Variants in TMEFF2 observed in about 807,000 individuals in gnomAD.
TMEFF2 encodes transmembrane protein with EGF like and two follistatin like domains 2.
A neutral mutation model predicts 53.8 loss-of-function variants in TMEFF2; 28 were observed. The ratio of observed to expected loss-of-function variants is 0.52; its 90% confidence interval spans 0.39 to 0.71. The LOEUF (loss-of-function observed/expected upper bound fraction) is 0.71. TMEFF2 is among the 30% of genes least tolerant of loss of function. The pLI is 0.00. For synonymous variants in TMEFF2, 162 were observed against 166.3 expected (o/e 0.97, Z 0.20); for missense variants, 353 against 455.2 (o/e 0.78, Z 2.04).
intron 7 of TMEFF2, among the ~76,000 whole-genome samples, chr2:191,979,140 CAAATATG>C (rs1685799381): frequency 2.0e-5 from 3 of 152,238 alleles, no homozygotes; most frequent in Admixed American, 2.0e-4. Context: ...GGCAATGAAA[CAAATATG>C]AAATAGGAAA....
chr2:192,029,029 T>C (rs1236932955), intron 5 of TMEFF2: 1 of 152,180 alleles, frequency 6.6e-6, no homozygotes, highest in African/African-American at 2.4e-5. Context: ...TTCTTTTGCA[T>C]TGGGCCCCAC....
chr2:192,103,125 G>A (rs1175589205), intron 4 of TMEFF2, among the ~76,000 whole-genome samples: 1 of 152,104 alleles, frequency 6.6e-6, no homozygotes, highest in Non-Finnish European at 1.5e-5. Flanking sequence ...GATACTCACT[G>A]TCCTATAACT....
At chr2:192,019,433 AAAAAT>A (rs1686813397) in intron 5 of TMEFF2, among the ~76,000 whole-genome samples, 1 of 152,096 alleles carries the variant, frequency 6.6e-6, no homozygotes, top group Non-Finnish European at 1.5e-5. Flanking sequence ...AAATAACAAA[AAAAAT>A]AAAGCCACAT....
chr2:191,979,800 G>C (rs1299704515), intron 7 of TMEFF2, among the ~76,000 whole-genome samples: 1 of 150,156 alleles, frequency 6.7e-6, no homozygotes, highest in East Asian at 1.9e-4. Flanking sequence ...TTTGTCAGGA[G>C]TGAAAATTTT....
At chr2:192,041,929 G>C (rs926975377) in intron 5 of TMEFF2, among the ~76,000 whole-genome samples, 4 of 152,146 alleles carry the variant, frequency 2.6e-5, no homozygotes, top group African/African-American at 9.7e-5. Context: ...TCACTGATCG[G>C]CCAGGTGCGG....
chr2:192,070,317 A>C (rs1688266548), intron 4 of TMEFF2, among the ~76,000 whole-genome samples: 1 of 151,796 alleles, frequency 6.6e-6, no homozygotes, highest in Non-Finnish European at 1.5e-5. Flanking sequence ...AATTAATGAC[A>C]AAATTTTTGA....
chr2:192,054,091 C>T (rs1027018118), intron 5 of TMEFF2, among the ~76,000 whole-genome samples: 2 of 151,874 alleles, frequency 1.3e-5, no homozygotes, highest in African/African-American at 4.8e-5. Flanking sequence ...GCCCTCTAAT[C>T]TTCACAGCCG....
At chr2:192,035,745 C>T (rs1362933072) in intron 5 of TMEFF2, among the ~76,000 whole-genome samples, 2 of 152,206 alleles carry the variant, frequency 1.3e-5, no homozygotes, top group Non-Finnish European at 2.9e-5. Flanking sequence ...CATCACACAA[C>T]TTAACCTTTA....
At chr2:192,063,647 T>C (rs759859971) in intron 4 of TMEFF2, among the ~76,000 whole-genome samples, 1 of 151,876 alleles carries the variant, frequency 6.6e-6, no homozygotes, top group East Asian at 1.9e-4. Context: ...ACTGAGAAAA[T>C]AGTGTTAAAA....
rs144498908 is a variant in TMEFF2, at chr2:191,984,101, C to T, written c.745+14161G>A. On this transcript the variant is annotated intron_variant, in intron 7 of 9. Coordinates refer to ENST00000272771, the MANE Select transcript of TMEFF2 (RefSeq NM_016192.4). ...TAATATAAGCTATGGAGGTAAACTT[C>T]GTAAGTTCTTTTTTTCTTTTATTTT... is the stretch of plus-strand genomic sequence containing the variant. Among the ~76,000 whole-genome samples, 738 of 152,110 alleles carry T rather than the reference C, an allele frequency of 4.9e-3. 3 individuals carry two copies. Among genetic ancestry groups the T allele is most frequent in the African/African-American group, 0.017 (700 of 41,532 alleles).
At chr2:192,029,982 T>C (rs939662108) in intron 5 of TMEFF2, among the ~76,000 whole-genome samples, 1 of 152,192 alleles carries the variant, frequency 6.6e-6, no homozygotes. Context: ...AAAACTCCAC[T>C]GTGCATTTGT....
At chr2:192,065,616 G>A (rs1027624095) in intron 4 of TMEFF2, among the ~76,000 whole-genome samples, 1 of 151,464 alleles carries the variant, frequency 6.6e-6, no homozygotes, top group Non-Finnish European at 1.5e-5. Context: ...TCTTAAATAG[G>A]TAACAAAATA....
Position 192,193,774 on chromosome 2 carries a change from A to T in TMEFF2, c.172+579T>A, listed in dbSNP as rs879841041. Among the ~76,000 whole-genome samples, 102 of 40,760 alleles carry T rather than the reference A, an allele frequency of 2.5e-3. 5 individuals carry two copies. The highest frequency in any genetic ancestry group is 1.8e-3 in the Non-Finnish European group (27 of 14,956). The allele number at this position is 40,760 out of a possible 152,430, so 26.7% of individuals were successfully genotyped here. A position where few individuals can be genotyped will look rare whatever the true frequency, so the allele number is the denominator to read the frequency against. On this transcript the variant is annotated intron_variant, in intron 1 of 9. Transcript: ENST00000272771. ...GAGATAGATAGATAGAGAGAGAGAG[A>T]GAGAGAGAGAGAGAGAGAGAGAGAG...
chr2:192,108,508 G>A (rs1395926258), intron 4 of TMEFF2, among the ~76,000 whole-genome samples: 2 of 151,686 alleles, frequency 1.3e-5, no homozygotes, highest in African/African-American at 4.8e-5. Context: ...TTAACACATT[G>A]CAACAAATTC....
chr2:191,956,091 AGT>A (rs1553506957), intron 8 of TMEFF2, among the ~76,000 whole-genome samples, 162 bp downstream of exon 8: 6 of 150,128 alleles, frequency 4.0e-5, no homozygotes, highest in South Asian at 2.1e-4. Context: ...TTAGTGTGTG[AGT>A]ATGTGTGTAT....
At position 192,194,499 on chromosome 2, in the gene TMEFF2, T is replaced by G. The variant is rs780276241; in HGVS notation, c.26A>C (p.Gln9Pro). MVLWESPR[Q>P]CSSWTLCEGF... is the part of the protein sequence containing the mutation. Reference sequence around the variant, plus strand: ...CTCGCAAAGTGTCCAGCTGCTGCACTGCCGCGGGGACTCCCACAGCACCAT... The same window carrying G: ...CTCGCAAAGTGTCCAGCTGCTGCACGGCCGCGGGGACTCCCACAGCACCAT... The change falls in exon 1 of 10, where the codon CAG becomes CCG. Residue 9 changes from glutamine (Q) to proline (P), a missense_variant. Coordinates refer to ENST00000272771, the MANE Select transcript of TMEFF2 (RefSeq NM_016192.4). This position sits in a 1 kb window ranked among gnomAD's most constrained non-coding sequence, Gnocchi z 4.2. 1.1e-5 allele frequency: 17 copies of G among 1,613,636 alleles called. No individual in the cohort carries two copies. The African/African-American group carries it at 1.9e-4, about 18-fold the overall frequency.
At chr2:192,092,017 C>T (rs1053563748) in intron 4 of TMEFF2, among the ~76,000 whole-genome samples, 4 of 152,132 alleles carry the variant, frequency 2.6e-5, no homozygotes, top group African/African-American at 9.7e-5. Flanking sequence ...GAAACTTAAA[C>T]AACTGATGTC....
At chr2:192,112,155 A>C (rs1357959984) in intron 4 of TMEFF2, among the ~76,000 whole-genome samples, 1 of 152,086 alleles carries the variant, frequency 6.6e-6, no homozygotes, top group Non-Finnish European at 1.5e-5. Flanking sequence ...CATCCTCCAG[A>C]CCCCAGAATG....
intron 5 of TMEFF2, among the ~76,000 whole-genome samples, chr2:192,007,592 C>T (rs550419735): frequency 7.2e-5 from 11 of 152,294 alleles, no homozygotes; most frequent in African/African-American, 2.6e-4. Flanking sequence ...TGTGGCTGAA[C>T]ACAACGCTCT....
Sources: gnomAD v4.1 joint callset for allele counts (sites outside exome capture counted in the v4.1 genomes callset) on GRCh38, gnomAD v4.1.1 for gene constraint, Gnocchi (gnomAD v3.1) non-coding constraint, MANE v1.5 for transcripts, NCBI Gene and HGNC (gene_info 2026-07-23, HGNC 2026-07-21) for gene names.